LGR5: variants seen among roughly 807,000 people sequenced by gnomAD.
The protein encoded by LGR5 is leucine rich repeat containing G protein-coupled receptor 5.
Under a neutral mutation model 76.7 loss-of-function variants are expected in LGR5, and 54 were observed. The observed-to-expected ratio is 0.70, with a 90% CI of 0.57 to 0.88. LGR5 has a LOEUF of 0.88. LGR5 is among the 40% of genes least tolerant of loss of function. LGR5 has a pLI of 0.00. For synonymous variants in LGR5, 406 were observed against 421.9 expected (o/e 0.96, Z 0.46); for missense variants, 1,078 against 1,073.3 (o/e 1.00, Z -0.06).
intron 1 of LGR5, among the ~76,000 whole-genome samples, chr12:71,486,844 G>T (rs1265396717): frequency 6.6e-6 from 1 of 151,980 alleles, no homozygotes; most frequent in Non-Finnish European, 1.5e-5. Context: ...AAAAAGAGGG[G>T]CTCTTACAAT....
intron 2 of LGR5, among the ~76,000 whole-genome samples, chr12:71,511,864 G>C (rs1177161720): frequency 6.6e-6 from 1 of 151,910 alleles, no homozygotes; most frequent in Admixed American, 6.6e-5. Context: ...CCTATATTCA[G>C]CCAGTTTTCA....
chr12:71,551,471 G>C (rs1157509781), intron 4 of LGR5, among the ~76,000 whole-genome samples: 4 of 152,014 alleles, frequency 2.6e-5, no homozygotes, highest in African/African-American at 9.7e-5. Flanking sequence ...CTAATACGTG[G>C]ACCACTAAAA....
intron 3 of LGR5, among the ~76,000 whole-genome samples, chr12:71,534,039 G>T (rs1026065899): frequency 6.6e-6 from 1 of 152,190 alleles, no homozygotes; most frequent in African/African-American, 2.4e-5. Flanking sequence ...AGAGATGAAA[G>T]AACCAGGCAG....
At chr12:71,544,888 G>T (rs1421965720) in intron 4 of LGR5, among the ~76,000 whole-genome samples, 2 of 151,914 alleles carry the variant, frequency 1.3e-5, no homozygotes, top group African/African-American at 4.8e-5. Context: ...GTGGTTTTTT[G>T]GCTTTCCTGA....
intron 1 of LGR5, among the ~76,000 whole-genome samples, chr12:71,450,167 G>A (rs1011661847): frequency 2.0e-5 from 3 of 152,176 alleles, no homozygotes; most frequent in South Asian, 4.1e-4. Context: ...GAAAACCCCA[G>A]CCCAGTACTA....
chr12:71,534,318 C>A (rs1304243664), intron 3 of LGR5, among the ~76,000 whole-genome samples: 2 of 152,176 alleles, frequency 1.3e-5, no homozygotes, highest in Non-Finnish European at 2.9e-5. Context: ...CGTTTCCATT[C>A]TGTAGTCCCC....
rs1026311714 is a variant in LGR5 at position 71,553,164 on chromosome 12, T to C, written c.520T>C (p.Leu174=). ...LRHLWLDDNA[L]TEIPVQAFRS... is the part of the protein sequence containing the mutation. ...GCACCTGTGGCTGGATGACAATGCG[T>C]TAACAGAAATCCCCGTCCAGGCTTT... The change falls in exon 5 of 18, where the codon TTA becomes CTA. Residue 174 remains leucine (L), a synonymous_variant. Transcript: ENST00000266674. The C allele has an allele frequency of 1.9e-6, 3 of 1,613,930 alleles. No homozygotes were observed. The highest frequency in any genetic ancestry group is 2.7e-5 in the African/African-American group (2 of 74,894).
At chr12:71,449,224 A>C (rs1349672656) in intron 1 of LGR5, among the ~76,000 whole-genome samples, 1 of 152,212 alleles carries the variant, frequency 6.6e-6, no homozygotes, top group Non-Finnish European at 1.5e-5. Flanking sequence ...AGGGAAGTTT[A>C]GAAAAAAGAG....
chr12:71,512,436 C>G (rs1269008333), intron 2 of LGR5, among the ~76,000 whole-genome samples: 1 of 152,198 alleles, frequency 6.6e-6, no homozygotes, highest in East Asian at 1.9e-4. Flanking sequence ...TTCAAAGTAT[C>G]CCATCCTTGA....
intron 4 of LGR5, among the ~76,000 whole-genome samples, chr12:71,538,807 A>G (rs1876731649): frequency 2.0e-5 from 3 of 152,080 alleles, no homozygotes; most frequent in Admixed American, 2.0e-4. Context: ...GCAGTGAGCT[A>G]TGATCCTGCC....
chr12:71,539,540 C>T (rs1456177432), intron 4 of LGR5, among the ~76,000 whole-genome samples: 1 of 152,118 alleles, frequency 6.6e-6, no homozygotes, highest in Non-Finnish European at 1.5e-5. Flanking sequence ...TACAGTGGTG[C>T]GATCTCAGCT....
chr12:71,445,048 G>A (rs1871922240), intron 1 of LGR5, among the ~76,000 whole-genome samples: 1 of 152,138 alleles, frequency 6.6e-6, no homozygotes, highest in South Asian at 2.1e-4. Context: ...AGACAGAAAT[G>A]AAAAACAGTA....
At position 71,584,431 on chromosome 12, in the gene LGR5, G is replaced by A; in HGVS notation, c.2421G>A (p.Val807=). 6 of 1,613,834 alleles carry A rather than the reference G, an allele frequency of 3.7e-6. No homozygotes were observed. Among genetic ancestry groups the A allele is most frequent in the Non-Finnish European group, 5.1e-6 (6 of 1,179,766 alleles). ...SPEVIKFILL[V]VVPLPACLNP... Reference sequence around the variant, plus strand: ...AAGTAATTAAGTTTATCCTTCTGGTGGTAGTCCCACTTCCTGCATGTCTCA... The same window carrying A: ...AAGTAATTAAGTTTATCCTTCTGGTAGTAGTCCCACTTCCTGCATGTCTCA... The change falls in exon 18 of 18, where the codon GTG becomes GTA. Residue 807 remains valine (V), a synonymous_variant. Transcript: ENST00000266674.
chr12:71,515,273 A>G (rs1875380952), intron 2 of LGR5, among the ~76,000 whole-genome samples: 1 of 152,246 alleles, frequency 6.6e-6, no homozygotes, highest in African/African-American at 2.4e-5. Context: ...TAATTAATTG[A>G]ATTGAATCAT....
At chr12:71,570,292 C>T (rs1160052307) in intron 11 of LGR5, among the ~76,000 whole-genome samples, 1 of 152,108 alleles carries the variant, frequency 6.6e-6, no homozygotes, top group Non-Finnish European at 1.5e-5. Flanking sequence ...GTACATTCTG[C>T]ACATGTACCC....
At chr12:71,480,162 G>A (rs1337175999) in intron 1 of LGR5, among the ~76,000 whole-genome samples, 1 of 151,992 alleles carries the variant, frequency 6.6e-6, no homozygotes, top group African/African-American at 2.4e-5. Context: ...TCAGGAGTTC[G>A]AGAACAGCCT....
chr12:71,442,918 T>A (rs1871830262), intron 1 of LGR5, among the ~76,000 whole-genome samples: 1 of 152,216 alleles, frequency 6.6e-6, no homozygotes, highest in Non-Finnish European at 1.5e-5. Flanking sequence ...TTCCCTTTGA[T>A]GTTGAAAGGG....
chr12:71,444,159 T>C (rs1871885034), intron 1 of LGR5, among the ~76,000 whole-genome samples: 1 of 152,034 alleles, frequency 6.6e-6, no homozygotes, highest in Admixed American at 6.6e-5. Context: ...GCTTCTCTTA[T>C]CTTAAATAAA....
At chr12:71,486,782 GA>G (rs1370069995) in intron 1 of LGR5, among the ~76,000 whole-genome samples, 10 of 151,378 alleles carry the variant, frequency 6.6e-5, no homozygotes, top group African/African-American at 2.4e-4. Flanking sequence ...AAAAGTTGTT[GA>G]AATACTAATA....
Sources: allele counts gnomAD v4.1 joint callset (sites outside exome capture counted in the v4.1 genomes callset), GRCh38; gene constraint gnomAD v4.1.1; transcripts MANE v1.5; gene names NCBI Gene and HGNC (gene_info 2026-07-23, HGNC 2026-07-21).